The following FHIT variants were observed in gnomAD, a reference collection of about 807,000 sequenced individuals.
FHIT encodes fragile histidine triad diadenosine triphosphatase, also known as bis(5'-adenosyl)-triphosphatase.
Under a neutral mutation model 17.9 loss-of-function variants are expected in FHIT, and 19 were observed. The ratio of observed to expected loss-of-function variants is 1.06; its 90% CI spans 0.74 to 1.56. The LOEUF (loss-of-function observed/expected upper bound fraction) is 1.56, where lower values mean the gene tolerates loss of function less well. Ranked by LOEUF, FHIT falls within the 40% of genes most tolerant of loss-of-function variation. The probability of loss-of-function intolerance (pLI) is 0.00; values close to 1 mark genes in which losing one functional copy is unlikely to be tolerated. For missense variants in FHIT, 248 were observed against 189.2 expected (o/e 1.31, Z -1.82); for synonymous variants, 81 against 69.7 (o/e 1.16, Z -0.81).
Position 60,353,037 on chromosome 3 carries a change from G to A in FHIT, c.103+183823C>T, listed in dbSNP as rs115619675. ...CAGTTGATCAATTGATTTGTTTGGA[G>A]ATCAGTTCTTAACATTTATTTCAAC... On this transcript the variant is annotated intron_variant, in intron 5 of 9. Coordinates refer to ENST00000492590, the MANE Select transcript of FHIT (RefSeq NM_002012.4). Among the ~76,000 whole-genome samples, 996 of 152,260 alleles carry A rather than the reference G, an allele frequency of 6.5e-3. 12 individuals are homozygous for A. Among genetic ancestry groups the A allele is most frequent in the African/African-American group, 0.023 (935 of 41,550 alleles).
chr3:60,509,202 A>T (rs1269266586), intron 5 of FHIT, among the ~76,000 whole-genome samples: 1 of 152,172 alleles, frequency 6.6e-6, no homozygotes, highest in African/African-American at 2.4e-5. Context: ...TGATACCAGG[A>T]CATGTATGGT....
At chr3:60,230,907 C>T (rs1275830745) in intron 5 of FHIT, among the ~76,000 whole-genome samples, 7 of 152,150 alleles carry the variant, frequency 4.6e-5, no homozygotes, top group South Asian at 4.1e-4. Context: ...TACGAAGTTT[C>T]GCCATGTTGG....
chr3:60,205,086 C>G (rs1703110993), intron 5 of FHIT, among the ~76,000 whole-genome samples: 1 of 149,518 alleles, frequency 6.7e-6, no homozygotes, highest in Admixed American at 6.6e-5. Flanking sequence ...ACAATGAGAC[C>G]CTGCCTCAAA....
At chr3:60,121,576 TAGG>T (rs1705249477) in intron 5 of FHIT, among the ~76,000 whole-genome samples, 1 of 151,730 alleles carries the variant, frequency 6.6e-6, no homozygotes, top group South Asian at 2.1e-4. Flanking sequence ...CCCAGCTGCT[TAGG>T]AGGCTGAGGC....
At chr3:60,071,533 G>A (rs536715506) in intron 5 of FHIT, among the ~76,000 whole-genome samples, 1 of 152,010 alleles carries the variant, frequency 6.6e-6, no homozygotes, top group Non-Finnish European at 1.5e-5. Context: ...CTCTTTCCAT[G>A]TCTGGCATGC....
chr3:60,817,637 G>A (rs868928846), intron 4 of FHIT, among the ~76,000 whole-genome samples: 8 of 151,700 alleles, frequency 5.3e-5, no homozygotes, highest in Middle Eastern at 3.2e-3. Context: ...CAAAGATACC[G>A]TGCCATTTTT....
At chr3:60,436,036 ATTTTTTC>A (rs1276573413) in intron 5 of FHIT, among the ~76,000 whole-genome samples, 2 of 151,766 alleles carry the variant, frequency 1.3e-5, no homozygotes, top group Non-Finnish European at 2.9e-5. Context: ...TATGTACCAC[ATTTTTTC>A]TTTTTTCTTT....
At chr3:60,693,331 T>A (rs1407898496) in intron 4 of FHIT, among the ~76,000 whole-genome samples, 1 of 152,230 alleles carries the variant, frequency 6.6e-6, no homozygotes, top group Non-Finnish European at 1.5e-5. Context: ...GGCATGACTA[T>A]GGCCTGTCTA....
intron 5 of FHIT, among the ~76,000 whole-genome samples, chr3:60,391,303 T>C (rs567222384): frequency 6.6e-6 from 1 of 152,318 alleles, no homozygotes; most frequent in South Asian, 2.1e-4. Flanking sequence ...TGTTTATTTA[T>C]TTTCTTTTTT....
At chr3:61,211,013 G>C (rs1309721592) in intron 1 of FHIT, among the ~76,000 whole-genome samples, 1 of 152,006 alleles carries the variant, frequency 6.6e-6, no homozygotes, top group Non-Finnish European at 1.5e-5. Flanking sequence ...AATAAAAGTG[G>C]TGGCTGGCAG....
intron 7 of FHIT, among the ~76,000 whole-genome samples, chr3:59,991,984 C>G (rs564456073): frequency 6.6e-6 from 1 of 152,058 alleles, no homozygotes; most frequent in East Asian, 1.9e-4. Flanking sequence ...TTTTCTGACA[C>G]TTGCAACTGA....
intron 3 of FHIT, among the ~76,000 whole-genome samples, chr3:60,876,117 A>G (rs1553756467): frequency 1.3e-5 from 2 of 152,106 alleles, no homozygotes; most frequent in Non-Finnish European, 2.9e-5. Context: ...TCCTAACCTT[A>G]AACCACCTGA....
At chr3:60,018,924 G>A (rs889058273) in intron 5 of FHIT, among the ~76,000 whole-genome samples, 1 of 152,210 alleles carries the variant, frequency 6.6e-6, no homozygotes, top group African/African-American at 2.4e-5. Flanking sequence ...AGGTTGCAGT[G>A]AGCCAAGGTC....
At position 59,998,292 on chromosome 3, in the gene FHIT, C is replaced by T. The variant is rs1319595782; in HGVS notation, c.279+13079G>A. Among the ~76,000 whole-genome samples the T allele has an allele frequency of 3.9e-5, 6 of 152,092 alleles. No individual in the cohort carries two copies. The East Asian group carries it at 1.2e-3, about 29-fold the overall frequency. ...CCATGAGAGGCTTTTTTCCAGCCTG[C>T]TGCGGGTTAGAAATTTAAACCAGGC... On this transcript the variant is annotated intron_variant, in intron 7 of 9. Transcript: ENST00000492590.
intron 4 of FHIT, among the ~76,000 whole-genome samples, chr3:60,791,891 T>C (rs1349322015): frequency 6.6e-6 from 1 of 152,182 alleles, no homozygotes; most frequent in Non-Finnish European, 1.5e-5. Flanking sequence ...AAAAGACATA[T>C]GTAAAAAGGA....
At chr3:59,934,540 C>T (rs1706135670) in intron 7 of FHIT, among the ~76,000 whole-genome samples, 1 of 152,210 alleles carries the variant, frequency 6.6e-6, no homozygotes, top group Admixed American at 6.5e-5. Flanking sequence ...ATTCTTAAAG[C>T]TATTTAATGA....
chr3:60,309,607 T>C lies in FHIT; in HGVS notation c.103+227253A>G, dbSNP rs188753203. Among the ~76,000 whole-genome samples the C allele has an allele frequency of 4.6e-5, 7 of 152,280 alleles. No individual in the cohort carries two copies. The East Asian group carries it at 7.7e-4, about 17-fold the overall frequency. ...CTGGAAATAATATATAAACTCCAAA[T>C]TGAGGCTTTTTGTGAAACCCTGAGA... On this transcript the variant is annotated intron_variant, in intron 5 of 9. Transcript: ENST00000492590.
intron 5 of FHIT, among the ~76,000 whole-genome samples, chr3:60,268,825 G>C (rs1706717704): frequency 1.3e-5 from 2 of 151,894 alleles, no homozygotes; most frequent in Admixed American, 1.3e-4. Flanking sequence ...CTGGCCTTAA[G>C]GCAGGGAGAT....
chr3:60,245,225 A>G (rs903646878), intron 5 of FHIT, among the ~76,000 whole-genome samples: 1 of 152,090 alleles, frequency 6.6e-6, no homozygotes, highest in Non-Finnish European at 1.5e-5. Context: ...AATTATCTGT[A>G]TGTTGGCCCA....
Sources: allele counts gnomAD v4.1 joint callset (sites outside exome capture counted in the v4.1 genomes callset), GRCh38; gene constraint gnomAD v4.1.1; transcripts MANE v1.5; gene names NCBI Gene and HGNC (gene_info 2026-07-23, HGNC 2026-07-21).